The following CSF2RB variants were observed in gnomAD, a reference collection of about 807,000 sequenced individuals.
CSF2RB encodes colony stimulating factor 2 receptor subunit beta, also known as cytokine receptor common subunit beta.
In CSF2RB, 22 loss-of-function variants were observed where a neutral mutation model predicts 67.2. The observed-to-expected ratio is 0.33, with a 90% CI of 0.23 to 0.47. The LOEUF (loss-of-function observed/expected upper bound fraction) is 0.47. Ranked by LOEUF, CSF2RB falls within the 20% of genes least tolerant of loss-of-function variation. CSF2RB has a pLI of 1.00. For synonymous variants in CSF2RB, 507 were observed against 482.9 expected, an observed-to-expected ratio of 1.05 and a Z score of -0.65; for missense variants, 1,113 against 1,174.5, an observed-to-expected ratio of 0.95 and a Z score of 0.76.
In CSF2RB at chr22:36,922,129, AG is replaced by A; in HGVS notation, c.-77del. 7.5e-7 allele frequency: 1 copy of A among 1,342,002 alleles called. No individual in the cohort carries two copies. Among genetic ancestry groups the A allele is most frequent in the Non-Finnish European group, 1.0e-6 (1 of 965,496 alleles). 83.1% of individuals were successfully genotyped at this position (1,342,002 alleles called of 1,614,324 possible). ...CAGCTGGGCAGGAACACAGGACTTC[AG>A]GACACTAAGGACCCTGTCATGCCCA... is the stretch of plus-strand genomic sequence containing the variant. On this transcript the variant is annotated 5_prime_UTR_variant, in exon 2 of 14. The change abolishes the stop of an existing upstream ORF in the 5' untranslated region. Transcript: ENST00000403662.
At position 36,938,971 on chromosome 22, in the gene CSF2RB, A is replaced by C; in HGVS notation, c.*469A>C. On this transcript the variant is annotated 3_prime_UTR_variant, in exon 14 of 14. Transcript: ENST00000403662. Reference sequence around the variant, plus strand: ...TCCCCGGCAGTCGCTGATGCACATGACATGATTCTCATCTGGGTGCAGAGG... The same window carrying C: ...TCCCCGGCAGTCGCTGATGCACATGCCATGATTCTCATCTGGGTGCAGAGG... The C allele has an allele frequency of 1.6e-6, 1 of 608,062 alleles. No homozygotes were observed. The highest frequency in any genetic ancestry group is 1.9e-5 in the South Asian group (1 of 52,852). 37.7% of individuals were successfully genotyped at this position (608,062 alleles called of 1,614,324 possible). A position where few individuals can be genotyped will look rare whatever the true frequency, so the allele number is the denominator to read the frequency against.
At chr22:36,915,979 A>T (rs1251178108) in intron 1 of CSF2RB, among the ~76,000 whole-genome samples, 1 of 152,084 alleles carries the variant, frequency 6.6e-6, no homozygotes, top group Non-Finnish European at 1.5e-5. Flanking sequence ...TAACTTTTGG[A>T]GTGACTCATT....
chr22:36,935,435 G>A lies in CSF2RB; in HGVS notation c.1400G>A (p.Gly467Glu). 6.2e-7 allele frequency: 1 copy of A among 1,614,156 alleles called. No homozygotes were observed. The highest frequency in any genetic ancestry group is 8.5e-7 in the Non-Finnish European group (1 of 1,180,032). ...LLALRFCGIYGYRLRRKWEEK... is the reference protein window; with the variant it reads ...LLALRFCGIYEYRLRRKWEEK... Reference sequence around the variant, plus strand: ...GCCCTCCGCTTCTGTGGCATCTACGGGTACAGGTGAGGGGACTCTGTGGGG... The same window carrying A: ...GCCCTCCGCTTCTGTGGCATCTACGAGTACAGGTGAGGGGACTCTGTGGGG... Residue 467 changes from glycine to glutamate, a missense_variant, in exon 11 of 14, where the codon GGG (glycine) becomes GAG (glutamate). Transcript: ENST00000403662.
intron 1 of CSF2RB, among the ~76,000 whole-genome samples, chr22:36,921,707 G>C (rs1242799784): frequency 6.6e-6 from 1 of 152,168 alleles, no homozygotes; most frequent in Non-Finnish European, 1.5e-5. Context: ...GGACATGTGT[G>C]TGTACATGTG....
At position 36,936,518 on chromosome 22, in the gene CSF2RB, C is replaced by T. The variant is rs115671680; in HGVS notation, c.1465-31C>T. 2.0e-3 allele frequency: 3,231 copies of T among 1,608,740 alleles called. 57 individuals carry two copies. The African/African-American group carries it at 0.036, about 18-fold the overall frequency. Reference sequence around the variant, plus strand: ...TGCCCCCACCTCGGACCTCCTGATGCTCACCGGCCCAAATGTCTCTGCTCT... The same window carrying T: ...TGCCCCCACCTCGGACCTCCTGATGTTCACCGGCCCAAATGTCTCTGCTCT... On this transcript the variant is annotated intron_variant, in intron 12 of 13. Transcript: ENST00000403662.
At position 36,938,340 on chromosome 22, in the gene CSF2RB, C is replaced by A; in HGVS notation, c.2532C>A (p.Pro844=). ...SLRSKPSSPG[P]GPEIKNLDQA... ...GGAGTAAACCTTCTTCCCCGGGACC[C>A]GGTCCTGAGATCAAGAACCTAGACC... is the stretch of plus-strand genomic sequence containing the variant. The change falls in exon 14 of 14, where the codon CCC becomes CCA. Residue 844 remains proline, a synonymous_variant. Coordinates refer to ENST00000403662, the MANE Select transcript of CSF2RB (RefSeq NM_000395.3). The A allele has an allele frequency of 6.2e-7, 1 of 1,614,202 alleles. No homozygotes were observed. The highest frequency in any genetic ancestry group is 8.5e-7 in the Non-Finnish European group (1 of 1,180,044).
At chr22:36,932,249 A>G (rs1338406419) in intron 8 of CSF2RB, among the ~76,000 whole-genome samples, 6 of 152,208 alleles carry the variant, frequency 3.9e-5, no homozygotes, top group African/African-American at 1.4e-4. Context: ...AGCCTGGCCA[A>G]CATGGTGAAA....
intron 13 of CSF2RB, 34 bp downstream of exon 13, chr22:36,936,686 G>T: frequency 1.3e-6 from 2 of 1,555,962 alleles, no homozygotes; most frequent in Non-Finnish European, 1.8e-6. Context: ...CTGACCTTTG[G>T]GGTTCATACG....
intron 1 of CSF2RB, among the ~76,000 whole-genome samples, chr22:36,919,626 G>A (rs575757270): frequency 6.6e-6 from 1 of 151,646 alleles, no homozygotes; most frequent in African/African-American, 2.4e-5. Flanking sequence ...GGCCAGGCTG[G>A]TCTCAAACTC....
Position 36,936,567 on chromosome 22 carries a change from T to C in CSF2RB, c.1483T>C (p.Trp495Arg). 6.2e-7 allele frequency: 1 copy of C among 1,613,104 alleles called. No individual in the cohort carries two copies. Among genetic ancestry groups the C allele is most frequent in the South Asian group, 1.1e-5 (1 of 91,028 alleles). Residue 495 changes from tryptophan to arginine, a missense_variant, in exon 13 of 14, where the codon TGG (tryptophan) becomes CGG (arginine). Physicochemically the swap from Trp to Arg is moderately radical, Grantham distance 101 (BLOSUM62 -3). This residue lies in a region of CSF2RB where 554 missense variants were observed against 517.9 expected (regional missense o/e 1.07). Transcript: ENST00000403662. Reference sequence around the variant, plus strand: ...CTTGCAGAACGGGAGCGCAGAGCTTTGGCCCCCAGGCAGCATGTCGGCCTT... The same window carrying C: ...CTTGCAGAACGGGAGCGCAGAGCTTCGGCCCCCAGGCAGCATGTCGGCCTT... ...HLFQNGSAEL[W>R]PPGSMSAFTS...
At chr22:36,922,530 T>C in intron 2 of CSF2RB, 1 of 586,640 alleles carries the variant, frequency 1.7e-6, no homozygotes. Flanking sequence ...AGGGCGGCAC[T>C]CCCGGCCCCT....
At chr22:36,923,783 G>T in intron 3 of CSF2RB, 3 of 1,292,010 alleles carry the variant, frequency 2.3e-6, no homozygotes, top group Non-Finnish European at 3.0e-6. Context: ...GCGCTAGCCT[G>T]GGAGTTCACA....
chr22:36,930,743 C>G lies in CSF2RB; in HGVS notation c.925C>G (p.Pro309Ala). The G allele has an allele frequency of 6.2e-7, 1 of 1,613,842 alleles. No individual in the cohort carries two copies. Among genetic ancestry groups the G allele is most frequent in the Non-Finnish European group, 8.5e-7 (1 of 1,180,038 alleles). Residue 309 changes from proline (P) to alanine (A), a missense_variant, in exon 8 of 14, where the codon CCC (proline) becomes GCC (alanine). Pro to Ala is a conservative substitution (Grantham distance 27, BLOSUM62 -1). This residue lies in a region of CSF2RB where 559 missense variants were observed against 656.5 expected (regional missense o/e 0.85). Transcript: ENST00000403662. ...SLHTRHHCQI[P>A]VPDPATHGQY... ...CCACACCAGGCACCACTGCCAGATT[C>G]CCGTGCCCGACCCCGCGACCCACGG...
Position 36,938,859 on chromosome 22 carries a change from T to C in CSF2RB, c.*357T>C, listed in dbSNP as rs907496623. On this transcript the variant is annotated 3_prime_UTR_variant, in exon 14 of 14. Transcript: ENST00000403662. ...TTTCTTCCTTCTTTTTTCACTGATT[T>C]ATTATGAGAGTGGGGCTGAGGTCTG... 3.3e-5 allele frequency: 18 copies of C among 539,732 alleles called. No individual in the cohort carries two copies. The South Asian group carries it at 5.3e-4, about 16-fold the overall frequency. The allele number at this position is 539,732 out of a possible 1,614,324, so 33.4% of individuals were successfully genotyped here. A position where few individuals can be genotyped will look rare whatever the true frequency, so the allele number is the denominator to read the frequency against.
chr22:36,930,993 A>G (rs577187639), intron 8 of CSF2RB, among the ~76,000 whole-genome samples, 163 bp downstream of exon 8: 35 of 152,290 alleles, frequency 2.3e-4, no homozygotes, highest in African/African-American at 7.7e-4. Flanking sequence ...CAATGAAACC[A>G]CGACGGCAGT....
chr22:36,934,029 G>A, intron 10 of CSF2RB, 35 bp downstream of exon 10: 1 of 1,609,554 alleles, frequency 6.2e-7, no homozygotes, highest in South Asian at 1.1e-5. Flanking sequence ...CTTCTGGCCA[G>A]GACCAGCTCA....
In CSF2RB at chr22:36,922,155, A is replaced by G. The variant is rs1490560752; in HGVS notation, c.-53A>G. On this transcript the variant is annotated 5_prime_UTR_variant, in exon 2 of 14. An upstream start codon of the reference 5' UTR is lost. Transcript: ENST00000403662. ...GGACACTAAGGACCCTGTCATGCCC[A>G]TGGCCAGCACCCACCAGTGCTGGTG... is the stretch of plus-strand genomic sequence containing the variant. The G allele has an allele frequency of 1.2e-5, 18 of 1,501,854 alleles. No homozygotes were observed. The highest frequency in any genetic ancestry group is 1.6e-5 in the Non-Finnish European group (18 of 1,106,356). 93.0% of individuals were successfully genotyped at this position (1,501,854 alleles called of 1,614,324 possible).
chr22:36,917,429 A>G (rs1232174354), intron 1 of CSF2RB, among the ~76,000 whole-genome samples: 1 of 152,052 alleles, frequency 6.6e-6, no homozygotes, highest in Non-Finnish European at 1.5e-5. Flanking sequence ...CCTGCCATTC[A>G]ATTTCTTCAT....
rs1486285338 is a variant in CSF2RB at position 36,922,150 on chromosome 22, T to C, written c.-58T>C. The C allele has an allele frequency of 6.8e-7, 1 of 1,480,358 alleles. No individual in the cohort carries two copies. Among genetic ancestry groups the C allele is most frequent in the Non-Finnish European group, 9.2e-7 (1 of 1,087,816 alleles). The allele number at this position is 1,480,358 out of a possible 1,614,324, so 91.7% of individuals were successfully genotyped here. A position where few individuals can be genotyped will look rare whatever the true frequency, so the allele number is the denominator to read the frequency against. The stretch of plus-strand genomic sequence containing the variant: ...CTTCAGGACACTAAGGACCCTGTCA[T>C]GCCCATGGCCAGCACCCACCAGTGC... On this transcript the variant is annotated 5_prime_UTR_variant, in exon 2 of 14. It removes an upstream start codon present in the reference 5' UTR. Coordinates refer to ENST00000403662, the MANE Select transcript of CSF2RB (RefSeq NM_000395.3).
Sources: allele counts gnomAD v4.1 joint callset (sites outside exome capture counted in the v4.1 genomes callset), GRCh38; gene constraint gnomAD v4.1.1; regional missense constraint gnomAD v4.1.1; transcripts MANE v1.5; gene names NCBI Gene and HGNC (gene_info 2026-07-23, HGNC 2026-07-21).